RANGAP1: variants seen among roughly 807,000 people sequenced by gnomAD.
RANGAP1 encodes ran GTPase-activating protein 1.
A neutral mutation model predicts 63.5 loss-of-function variants in RANGAP1; 38 were observed. That is an observed-to-expected ratio of 0.60 (90% CI 0.46 to 0.78). The LOEUF is 0.78. Ranked by LOEUF, RANGAP1 falls within the 30% of genes least tolerant of loss-of-function variation. RANGAP1 has a pLI of 0.00. For synonymous variants in RANGAP1, 329 were observed against 310.5 expected (o/e 1.06, Z -0.63); for missense variants, 630 against 740.3 (o/e 0.85, Z 1.73).
chr22:41,254,395 CTCCTCT>C lies in RANGAP1; in HGVS notation c.1167_1172del (p.Glu396_Glu397del). On this transcript the variant is annotated inframe_deletion, in exon 11 of 16. Coordinates refer to ENST00000356244, the MANE Select transcript of RANGAP1 (RefSeq NM_002883.4). ...GCTGAGGCTCTTCTTCCTCCTCCTC[CTCCTCT>C]TCTTCCTCCTCTTCCTCATCTTCCT... The C allele has an allele frequency of 1.2e-6, 2 of 1,613,774 alleles. No individual in the cohort carries two copies. Among genetic ancestry groups the C allele is most frequent in the Non-Finnish European group, 1.7e-6 (2 of 1,179,798 alleles).
chr22:41,270,826 C>T (rs1379591582), intron 3 of RANGAP1, among the ~76,000 whole-genome samples: 2 of 152,246 alleles, frequency 1.3e-5, no homozygotes, highest in African/African-American at 2.4e-5. Flanking sequence ...TCCACCTGCA[C>T]GTGGGTCCAC....
rs35627809 is a variant in RANGAP1, at chr22:41,271,386, T to TAAA, written c.240+3211_240+3213dup. Among the ~76,000 whole-genome samples, 50 of 91,914 alleles carry TAAA rather than the reference T, an allele frequency of 5.4e-4. 4 individuals are homozygous for TAAA. Among genetic ancestry groups the TAAA allele is most frequent in the South Asian group, 1.6e-3 (4 of 2,444 alleles). The allele number at this position is 91,914 out of a possible 152,430, so 60.3% of individuals were successfully genotyped here. On this transcript the variant is annotated intron_variant, in intron 3 of 15. Coordinates refer to ENST00000356244, the MANE Select transcript of RANGAP1 (RefSeq NM_002883.4). ...CTGGGCAATGGCGTGAAACTGTCTC[T>TAAA]AAAAAAAAACAAAAAAAAAAAACAA...
chr22:41,253,125 T>C (rs2033586512), intron 11 of RANGAP1, 134 bp from the exon 12 acceptor site: 1 of 970,982 alleles, frequency 1.0e-6, no homozygotes, highest in East Asian at 3.5e-5. Flanking sequence ...GAATTCTTCC[T>C]CCCACTCAGC....
chr22:41,256,400 A>T, intron 8 of RANGAP1, 110 bp from the exon 9 acceptor site: 1 of 1,094,828 alleles, frequency 9.1e-7, no homozygotes, highest in Non-Finnish European at 1.3e-6. Context: ...TCTGTCCTCC[A>T]GGTGGGGCAA....
In RANGAP1 at chr22:41,264,739, C is replaced by T; in HGVS notation, c.405G>A (p.Leu135=). ...GGGTGAAGCAGGCTGAGCTCTTGAG[C>T]AGGGCCTCGAAGCCTTGCACACCGT... ...GPDGVQGFEA[L]LKSSACFTLQ... The change falls in exon 5 of 16, where the codon CTG becomes CTA. Residue 135 remains leucine (L), a synonymous_variant. Coordinates refer to ENST00000356244, the MANE Select transcript of RANGAP1 (RefSeq NM_002883.4). 6.2e-7 allele frequency: 1 copy of T among 1,614,074 alleles called. No individual in the cohort carries two copies. Among genetic ancestry groups the T allele is most frequent in the Non-Finnish European group, 8.5e-7 (1 of 1,179,904 alleles).
chr22:41,289,388 G>A (rs1292429138), upstream of RANGAP1, among the ~76,000 whole-genome samples: 4 of 151,934 alleles, frequency 2.6e-5, no homozygotes, highest in Admixed American at 1.3e-4. Flanking sequence ...TCGGGAGGGC[G>A]AGGCAGGTGG....
At chr22:41,295,697 A>T in the RANGAP1 span, among the ~76,000 whole-genome samples, 1 of 65,834 alleles carries the variant, frequency 1.5e-5, no homozygotes. Flanking sequence ...ATGATCAATT[A>T]AAAAAAAAAA....
chr22:41,249,865 C>T (rs1205104189), intron 13 of RANGAP1, 48 bp from the exon 14 acceptor site: 3 of 1,556,176 alleles, frequency 1.9e-6, no homozygotes, highest in African/African-American at 1.4e-5. Flanking sequence ...TGGCAGAGGG[C>T]TGGGCCAAGG....
upstream of RANGAP1, among the ~76,000 whole-genome samples, chr22:41,291,073 G>A (rs2035833186): frequency 6.6e-6 from 1 of 152,190 alleles, no homozygotes; most frequent in Non-Finnish European, 1.5e-5. Context: ...CATCCCACTA[G>A]AGCAACTATT....
At chr22:41,246,868 G>C (rs941383198) in intron 15 of RANGAP1, among the ~76,000 whole-genome samples, 196 bp from the exon 16 acceptor site, 1 of 152,152 alleles carries the variant, frequency 6.6e-6, no homozygotes, top group Non-Finnish European at 1.5e-5. Flanking sequence ...GGCACCCAAC[G>C]CCACACAGCC....
At chr22:41,271,489 G>C (rs2267429) in intron 3 of RANGAP1, among the ~76,000 whole-genome samples, 50,133 of 151,434 alleles carry the variant, frequency 0.33, 8,920 homozygotes, top group Admixed American at 0.51. Context: ...AAGGTCAGGA[G>C]ATTGAGACCA....
rs771712470 is a variant in RANGAP1 at position 41,246,579 on chromosome 22, C to T, written c.*24G>A. 1.1e-4 allele frequency: 162 copies of T among 1,529,298 alleles called. No homozygotes were observed. Among genetic ancestry groups the T allele is most frequent in the Non-Finnish European group, 1.4e-4 (155 of 1,122,956 alleles). 94.7% of individuals were successfully genotyped at this position (1,529,298 alleles called of 1,614,324 possible). A position where few individuals can be genotyped will look rare whatever the true frequency, so the allele number is the denominator to read the frequency against. Reference sequence around the variant, plus strand: ...CCCTCCCCAGCTCACTGGTCCAGGCCAAGGGATGGGAGAGGCTTTGAGTCT... The same window carrying T: ...CCCTCCCCAGCTCACTGGTCCAGGCTAAGGGATGGGAGAGGCTTTGAGTCT... On this transcript the variant is annotated 3_prime_UTR_variant, in exon 16 of 16. Coordinates refer to ENST00000356244, the MANE Select transcript of RANGAP1 (RefSeq NM_002883.4).
chr22:41,248,751 A>T (rs1601582528), intron 15 of RANGAP1, among the ~76,000 whole-genome samples: 1 of 152,142 alleles, frequency 6.6e-6, no homozygotes, highest in Non-Finnish European at 1.5e-5. Flanking sequence ...CTCTTACTTG[A>T]CTGTGCCCAT....
At chr22:41,291,363 C>T in the RANGAP1 span, among the ~76,000 whole-genome samples, 3 of 152,002 alleles carry the variant, frequency 2.0e-5, no homozygotes, top group South Asian at 2.1e-4. Flanking sequence ...TTTGGGAGGC[C>T]GAGGTGGGCA....
intron 1 of RANGAP1, among the ~76,000 whole-genome samples, chr22:41,284,733 G>T (rs548478220): frequency 6.6e-6 from 1 of 152,274 alleles, no homozygotes; most frequent in South Asian, 2.1e-4. Context: ...CTAGCTGGGT[G>T]TGGTGGCAGG....
At chr22:41,250,909 G>A in intron 13 of RANGAP1, 98 bp downstream of exon 13, 1 of 980,608 alleles carries the variant, frequency 1.0e-6, no homozygotes, top group Non-Finnish European at 1.6e-6. Flanking sequence ...TCCCATGAGA[G>A]CGCTGGGGCT....
At chr22:41,278,038 GTTTTTT>G (rs376152766) in intron 2 of RANGAP1, among the ~76,000 whole-genome samples, 99 of 132,176 alleles carry the variant, frequency 7.5e-4, no homozygotes, top group African/African-American at 2.8e-3. Context: ...CCAAACTTGA[GTTTTTT>G]TTTTTTTTTT....
At chr22:41,278,326 A>C (rs1332551307) in intron 2 of RANGAP1, among the ~76,000 whole-genome samples, 1 of 152,164 alleles carries the variant, frequency 6.6e-6, no homozygotes, top group Non-Finnish European at 1.5e-5. Flanking sequence ...GGCGTGAGCC[A>C]CCGCACCTGG....
intron 4 of RANGAP1, among the ~76,000 whole-genome samples, 186 bp from the exon 5 acceptor site, chr22:41,265,029 G>A (rs1412825362): frequency 6.6e-6 from 1 of 152,260 alleles, no homozygotes; most frequent in Non-Finnish European, 1.5e-5. Context: ...CAGCTGGAGA[G>A]TGGGGGATGC....
Sources: gnomAD v4.1 joint callset for allele counts (sites outside exome capture counted in the v4.1 genomes callset) on GRCh38, gnomAD v4.1.1 for gene constraint, MANE v1.5 for transcripts, NCBI Gene and HGNC (gene_info 2026-07-23, HGNC 2026-07-21) for gene names.